PXMP2: variants seen among roughly 807,000 people sequenced by gnomAD.
PXMP2 encodes the protein 22 kDa peroxisomal membrane protein.
Under a neutral mutation model 20.2 loss-of-function variants are expected in PXMP2, and 13 were observed. The ratio of observed to expected loss-of-function variants is 0.64; its 90% CI spans 0.42 to 1.02. PXMP2 has a LOEUF of 1.02. Among genes scored for constraint, PXMP2 ranks in the 50% least tolerant of loss-of-function variants. PXMP2 has a pLI of 0.00. For synonymous variants in PXMP2, 113 were observed against 111.2 expected (o/e 1.02, Z -0.10); for missense variants, 284 against 251.8 (o/e 1.13, Z -0.87).
chr12:132,695,664 G>A (rs961696214), intron 2 of PXMP2, among the ~76,000 whole-genome samples: 10 of 152,224 alleles, frequency 6.6e-5, no homozygotes, highest in Admixed American at 1.3e-4. Flanking sequence ...AGGCGGGGAC[G>A]CGCTGGGAGC....
chr12:132,693,496 T>G (rs868665321), intron 2 of PXMP2, among the ~76,000 whole-genome samples: 4 of 72,548 alleles, frequency 5.5e-5, no homozygotes, highest in Non-Finnish European at 6.1e-5. Context: ...GTTAGTGAGC[T>G]CCCTTGCCAG....
In PXMP2 at chr12:132,704,712, C is replaced by T. The variant is rs1316790304; in HGVS notation, c.*25C>T. 1 of 1,589,354 alleles carries T rather than the reference C, an allele frequency of 6.3e-7. No homozygotes were observed. The highest frequency in any genetic ancestry group is 8.6e-7 in the Non-Finnish European group (1 of 1,166,338). On this transcript the variant is annotated 3_prime_UTR_variant, in exon 5 of 5. Transcript: ENST00000317479. ...ACGACCGCTGGGAGAACATCAGGTG[C>T]ACTGTGGACGTGGGTCTGGGGGTCT...
In PXMP2 at chr12:132,690,392, G is replaced by A. The variant is rs750282266; in HGVS notation, c.236+16G>A. ...CCGTTTACGGGTGAGTGCCATACAA[G>A]GGGTGGGTTTACCTTGTAGCCGCTG... is the stretch of plus-strand genomic sequence containing the variant. On this transcript the variant is annotated intron_variant, in intron 2 of 4. Coordinates refer to ENST00000317479, the MANE Select transcript of PXMP2 (RefSeq NM_018663.3). The A allele has an allele frequency of 1.2e-6, 2 of 1,601,758 alleles. No homozygotes were observed. The highest frequency in any genetic ancestry group is 3.3e-5 in the Admixed American group (2 of 59,844).
chr12:132,697,848 G>A (rs760971481), intron 3 of PXMP2, among the ~76,000 whole-genome samples: 4 of 152,128 alleles, frequency 2.6e-5, no homozygotes, highest in Non-Finnish European at 5.9e-5. Context: ...TTAACCTACC[G>A]GCATAATCCC....
intron 4 of PXMP2, among the ~76,000 whole-genome samples, chr12:132,703,766 A>G (rs10781630): frequency 0.39 from 59,179 of 151,942 alleles, 13,803 homozygotes; most frequent in Non-Finnish European, 0.52. Flanking sequence ...GCATCTGGGG[A>G]AGTGAGAAGG....
intron 2 of PXMP2, among the ~76,000 whole-genome samples, chr12:132,691,408 T>C (rs930623037): frequency 2.6e-5 from 4 of 152,174 alleles, no homozygotes; most frequent in African/African-American, 9.7e-5. Flanking sequence ...CCCTGAAAAA[T>C]GTCCAGTTTC....
At chr12:132,694,476 AG>A (rs2043396287) in intron 2 of PXMP2, among the ~76,000 whole-genome samples, 1 of 56,590 alleles carries the variant, frequency 1.8e-5, no homozygotes. Context: ...GAGCTCCCTT[AG>A]CCAGTTAGTT....
rs2043459964 is a variant in PXMP2 at position 132,704,604 on chromosome 12, T to G, written c.520-15T>G. ...TCCCGCTGACCGTGGCCTGTTGGAC[T>G]GTTCTTTTCGGCAGTTCCGGGTGCT... On this transcript the variant is annotated splice_polypyrimidine_tract_variant and intron_variant, in intron 4 of 4. Coordinates refer to ENST00000317479, the MANE Select transcript of PXMP2 (RefSeq NM_018663.3). The G allele has an allele frequency of 2.1e-6, 3 of 1,431,724 alleles. No homozygotes were observed. The East Asian group carries it at 7.9e-5, about 38-fold the overall frequency. 88.7% of individuals were successfully genotyped at this position (1,431,724 alleles called of 1,614,324 possible).
rs12316671 is a variant in PXMP2 at position 132,689,340 on chromosome 12, G to C, written c.123-923G>C. Among the ~76,000 whole-genome samples the C allele has an allele frequency of 5.1e-3, 772 of 152,276 alleles. 6 individuals carry two copies. Among genetic ancestry groups the C allele is most frequent in the Non-Finnish European group, 5.5e-3 (376 of 68,002 alleles). ...GAGACACGGCCAGGGAAGGTGTTTT[G>C]AGAAGGTGACATTGAACAGGCTGTG... On this transcript the variant is annotated intron_variant, in intron 1 of 4. Transcript: ENST00000317479.
intron 4 of PXMP2, chr12:132,702,438 C>A: frequency 2.7e-6 from 1 of 373,762 alleles, no homozygotes; most frequent in Non-Finnish European, 5.4e-6. Flanking sequence ...GCCAGGGTCC[C>A]CAGGACCACT....
chr12:132,704,808 C>A lies in PXMP2; in HGVS notation c.*121C>A. 2.1e-6 allele frequency: 2 copies of A among 947,732 alleles called. No homozygotes were observed. The highest frequency in any genetic ancestry group is 3.4e-6 in the Non-Finnish European group (2 of 592,828). 58.7% of individuals were successfully genotyped at this position (947,732 alleles called of 1,614,324 possible). ...ACTCTAAATCAGGTGATTCAAGATG[C>A]CCAAAAATGATGGATAGAGAAACAG... On this transcript the variant is annotated 3_prime_UTR_variant, in exon 5 of 5. Transcript: ENST00000317479.
chr12:132,696,017 T>G lies in PXMP2; in HGVS notation c.370T>G (p.Leu124Val), dbSNP rs774537442. 17 of 1,609,504 alleles carry G rather than the reference T, an allele frequency of 1.1e-5. No homozygotes were observed. The East Asian group carries it at 1.3e-4, about 13-fold the overall frequency. Residue 124 changes from leucine (L) to valine (V), a missense_variant, in exon 3 of 5, where the codon TTG becomes GTG. Leu to Val is a conservative substitution (Grantham distance 32, BLOSUM62 1). Coordinates refer to ENST00000317479, the MANE Select transcript of PXMP2 (RefSeq NM_018663.3). The surrounding 1 kb of genome is among the most constrained non-coding windows in gnomAD (Gnocchi z 4.4). ...CGTCTTTGCACCGGCCTTCCTCATG[T>G]TGTTCTTCCTCATCATGAACTTTCT... ...RLVFAPAFLM[L>V]FFLIMNFLEG...
intron 2 of PXMP2, among the ~76,000 whole-genome samples, 186 bp downstream of exon 2, chr12:132,690,562 G>GT (rs765155470): frequency 8.1e-6 from 1 of 123,852 alleles, no homozygotes; most frequent in Non-Finnish European, 1.8e-5. Flanking sequence ...CGCATACGTG[G>GT]TTTTTTTTGT....
chr12:132,698,167 G>A (rs2043420636), intron 3 of PXMP2, among the ~76,000 whole-genome samples: 1 of 151,926 alleles, frequency 6.6e-6, no homozygotes, highest in South Asian at 2.1e-4. Context: ...CCGCCACCAT[G>A]CCCGGCTAAT....
rs867274202 is a variant in PXMP2, at chr12:132,694,758, C to T, written c.237-1126C>T. ...CAGTTAGTTAGTGAGCTCCCTTAGT[C>T]AGTTAGTGAGTGCCCTTGCCAGTTA... On this transcript the variant is annotated intron_variant, in intron 2 of 4. Coordinates refer to ENST00000317479, the MANE Select transcript of PXMP2 (RefSeq NM_018663.3). 1.8e-4 allele frequency among the ~76,000 whole-genome samples: 19 copies of T among 107,622 alleles called. 1 individual carries two copies. The highest frequency in any genetic ancestry group is 8.7e-4 in the East Asian group (3 of 3,468). 70.6% of individuals were successfully genotyped at this position (107,622 alleles called of 152,430 possible).
At chr12:132,688,899 G>T (rs1593102265) in intron 1 of PXMP2, among the ~76,000 whole-genome samples, 3 of 24,964 alleles carry the variant, frequency 1.2e-4, no homozygotes, top group Admixed American at 6.7e-4. Flanking sequence ...CGGGTCTGCG[G>T]GGCACGGGTG....
chr12:132,694,640 TGCCAGTTAGTTAGTGAGCTCCCTTA>T (rs1165869821), intron 2 of PXMP2, among the ~76,000 whole-genome samples: 8 of 118,632 alleles, frequency 6.7e-5, no homozygotes, highest in Non-Finnish European at 1.4e-4. Context: ...AGAGCTCCCT[TGCCAGTTAGTTAGTGAGCTCCCTTA>T]GCCAGTTAGT....
rs1173670151 is a variant in PXMP2 at position 132,695,031 on chromosome 12, C to T, written c.237-853C>T. Among the ~76,000 whole-genome samples, 383 of 144,056 alleles carry T rather than the reference C, an allele frequency of 2.7e-3. 2 individuals are homozygous for T. Among genetic ancestry groups the T allele is most frequent in the African/African-American group, 9.7e-3 (362 of 37,512 alleles). 94.5% of individuals were successfully genotyped at this position (144,056 alleles called of 152,430 possible). A position where few individuals can be genotyped will look rare whatever the true frequency, so the allele number is the denominator to read the frequency against. On this transcript the variant is annotated intron_variant, in intron 2 of 4. Coordinates refer to ENST00000317479, the MANE Select transcript of PXMP2 (RefSeq NM_018663.3). ...CTCCCTTAGCCAGTTAGTTAGTGAGCTCCCTTAGCCAGTTAGTTAGTGAGT... is the reference window on the plus strand; with the variant it reads ...CTCCCTTAGCCAGTTAGTTAGTGAGTTCCCTTAGCCAGTTAGTTAGTGAGT...
chr12:132,704,859 C>T lies in PXMP2; in HGVS notation c.*172C>T, dbSNP rs1433972621. ...AAATCTCTGAATGTCAGAACCCTGT[C>T]TTTTAAAAAGGCAGTCGCTGCCTTC... On this transcript the variant is annotated 3_prime_UTR_variant, in exon 5 of 5. Coordinates refer to ENST00000317479, the MANE Select transcript of PXMP2 (RefSeq NM_018663.3). The T allele has an allele frequency of 2.8e-6, 2 of 704,084 alleles. No individual in the cohort carries two copies. The highest frequency in any genetic ancestry group is 1.6e-5 in the South Asian group (1 of 60,836). 43.6% of individuals were successfully genotyped at this position (704,084 alleles called of 1,614,324 possible).
Sources: gnomAD v4.1 joint callset for allele counts (sites outside exome capture counted in the v4.1 genomes callset) on GRCh38, gnomAD v4.1.1 for gene constraint, Gnocchi (gnomAD v3.1) non-coding constraint, MANE v1.5 for transcripts, NCBI Gene and HGNC (gene_info 2026-07-23, HGNC 2026-07-21) for gene names.